WDR19: variants seen among roughly 807,000 people sequenced by gnomAD.
The protein encoded by WDR19 is WD repeat domain 19, also known as WD repeat-containing protein 19.
In WDR19, 121 loss-of-function variants were observed where a neutral mutation model predicts 180.0. The ratio of observed to expected loss-of-function variants is 0.67; its 90% CI spans 0.58 to 0.78. The LOEUF is 0.78. Among genes scored for constraint, WDR19 ranks in the 30% least tolerant of loss-of-function variants. The pLI is 0.00. For missense variants in WDR19, 1,450 were observed against 1,640.7 expected (o/e 0.88, Z 2.01); for synonymous variants, 497 against 540.7 (o/e 0.92, Z 1.12).
intron 9 of WDR19, among the ~76,000 whole-genome samples, chr4:39,206,802 G>T (rs575256130): frequency 2.6e-5 from 4 of 152,290 alleles, no homozygotes; most frequent in Non-Finnish European, 5.9e-5. Flanking sequence ...CACTGCAAAG[G>T]CGTTGAAAAT....
chr4:39,185,903 T>G, intron 2 of WDR19, 86 bp downstream of exon 2: 2 of 1,053,930 alleles, frequency 1.9e-6, no homozygotes, highest in Non-Finnish European at 2.5e-6. Context: ...TTTGTTGTTG[T>G]TTTTTTTTTT....
At chr4:39,284,146 C>G (rs1270490193) in intron 36 of WDR19, among the ~76,000 whole-genome samples, 1 of 123,124 alleles carries the variant, frequency 8.1e-6, no homozygotes, top group African/African-American at 3.9e-5. Flanking sequence ...ATTATTTCTT[C>G]AATCACTTTT....
intron 26 of WDR19, 130 bp from the exon 27 acceptor site, chr4:39,255,718 C>A: frequency 2.1e-6 from 1 of 480,166 alleles, no homozygotes; most frequent in Non-Finnish European, 3.7e-6. Flanking sequence ...TGAAAACAGA[C>A]ATTAATAATT....
intron 15 of WDR19, among the ~76,000 whole-genome samples, chr4:39,226,939 C>T (rs1356168237): frequency 6.6e-6 from 1 of 152,148 alleles, no homozygotes; most frequent in Non-Finnish European, 1.5e-5. Flanking sequence ...TAAAAGCGTT[C>T]CTCTTTCTCC....
chr4:39,278,028 TG>T, intron 34 of WDR19, 102 bp from the exon 35 acceptor site: 1 of 1,004,546 alleles, frequency 1.0e-6, no homozygotes, highest in Non-Finnish European at 1.5e-6. Flanking sequence ...CACTCCAGCC[TG>T]GGTGACTGGG....
At chr4:39,266,161 G>C (rs566943136) in intron 29 of WDR19, 21 bp downstream of exon 29, 2 of 1,528,286 alleles carry the variant, frequency 1.3e-6, no homozygotes, top group Non-Finnish European at 1.8e-6. Context: ...CGTGGGCTTC[G>C]TGTGCATCCT....
chr4:39,256,648 A>G (rs981274010), intron 27 of WDR19, among the ~76,000 whole-genome samples: 1 of 152,192 alleles, frequency 6.6e-6, no homozygotes, highest in African/African-American at 2.4e-5. Context: ...GCCACCACCA[A>G]CTTGTTGTTG....
rs996392858 is a variant in WDR19 at position 39,216,041 on chromosome 4, A to C, written c.1134+28A>C. ...ATGAAAATGGTGTTATTTTTCTTTT[A>C]TTTATTAATAAAATAAGTTTAGCCG... is the stretch of plus-strand genomic sequence containing the variant. On this transcript the variant is annotated intron_variant, in intron 11 of 36. Coordinates refer to ENST00000399820, the MANE Select transcript of WDR19 (RefSeq NM_025132.4). 3 of 1,537,488 alleles carry C rather than the reference A, an allele frequency of 2.0e-6. No homozygotes were observed. In the African/African-American group the frequency reaches 4.2e-5, roughly 21 times the overall value.
At chr4:39,276,467 A>G (rs956577389) in intron 33 of WDR19, among the ~76,000 whole-genome samples, 1 of 152,192 alleles carries the variant, frequency 6.6e-6, no homozygotes, top group South Asian at 2.1e-4. Flanking sequence ...ATGTGGTCCA[A>G]TATGGTACCT....
At chr4:39,212,432 A>G (rs1728642224) in intron 9 of WDR19, among the ~76,000 whole-genome samples, 2 of 152,224 alleles carry the variant, frequency 1.3e-5, no homozygotes, top group Non-Finnish European at 2.9e-5. Flanking sequence ...GATCTATAAA[A>G]GGAAAAATTG....
chr4:39,255,814 C>T (rs1344946416), intron 26 of WDR19, 34 bp from the exon 27 acceptor site: 3 of 1,307,456 alleles, frequency 2.3e-6, no homozygotes, highest in Admixed American at 5.6e-5. Flanking sequence ...ACAAATTTTG[C>T]TCAGATATTT....
chr4:39,211,054 T>G (rs1449367483), intron 9 of WDR19, among the ~76,000 whole-genome samples: 1 of 151,896 alleles, frequency 6.6e-6, no homozygotes, highest in African/African-American at 2.4e-5. Flanking sequence ...TGCAGTGAGC[T>G]GTGGTCATTT....
intron 9 of WDR19, among the ~76,000 whole-genome samples, chr4:39,212,963 A>G (rs1435823427): frequency 1.3e-5 from 2 of 152,254 alleles, no homozygotes; most frequent in African/African-American, 4.8e-5. Context: ...TTCACCAAAT[A>G]ATAACAAATA....
chr4:39,249,607 T>C (rs1213085941), intron 24 of WDR19, among the ~76,000 whole-genome samples: 3 of 151,886 alleles, frequency 2.0e-5, no homozygotes, highest in Admixed American at 6.6e-5. Context: ...GCAAGGCTAA[T>C]AAAGAACAAA....
chr4:39,184,558 C>G (rs1725314043), intron 1 of WDR19, among the ~76,000 whole-genome samples: 1 of 152,112 alleles, frequency 6.6e-6, no homozygotes, highest in African/African-American at 2.4e-5. Context: ...CCTCCACCTC[C>G]CGGGTTCAAG....
chr4:39,242,539 AGGCTAGACACAAT>A (rs1303041332), intron 21 of WDR19, among the ~76,000 whole-genome samples: 1 of 152,182 alleles, frequency 6.6e-6, no homozygotes, highest in Non-Finnish European at 1.5e-5. Context: ...AAAATACTGC[AGGCTAGACACAAT>A]GGCTCATGCT....
At position 39,232,170 on chromosome 4, in the gene WDR19, G is replaced by A. The variant is rs747574122; in HGVS notation, c.2151G>A (p.Glu717=). The A allele has an allele frequency of 5.9e-5, 95 of 1,612,804 alleles. No homozygotes were observed. The highest frequency in any genetic ancestry group is 7.5e-5 in the Non-Finnish European group (88 of 1,179,420). ...VMSLEQIKGI[E]DYNLLAGHLA... Reference sequence around the variant, plus strand: ...ATTGCTTTTATTTGTAGGGAATAGAGGACTACAATCTTTTGGCAGGACACC... The same window carrying A: ...ATTGCTTTTATTTGTAGGGAATAGAAGACTACAATCTTTTGGCAGGACACC... The change falls in exon 19 of 37, where the codon GAG becomes GAA. Residue 717 remains glutamate (E), a synonymous_variant. Transcript: ENST00000399820.
chr4:39,225,127 A>G (rs777096503), intron 15 of WDR19, 94 bp downstream of exon 15: 75 of 976,956 alleles, frequency 7.7e-5, no homozygotes, highest in Non-Finnish European at 1.0e-4. Flanking sequence ...TTTTCTATTA[A>G]TTAGTGCCAA....
intron 30 of WDR19, among the ~76,000 whole-genome samples, chr4:39,269,257 A>C (rs1560558891): frequency 6.6e-6 from 1 of 152,120 alleles, no homozygotes; most frequent in Admixed American, 6.5e-5. Context: ...CAGGGGTGTG[A>C]CCTTGAGTTG....
Sources: gnomAD v4.1 joint callset for allele counts (sites outside exome capture counted in the v4.1 genomes callset) on GRCh38, gnomAD v4.1.1 for gene constraint, MANE v1.5 for transcripts, NCBI Gene and HGNC (gene_info 2026-07-23, HGNC 2026-07-21) for gene names.